SEMA3A: variants seen among roughly 807,000 people sequenced by gnomAD.
SEMA3A encodes semaphorin 3A.
In SEMA3A, 29 loss-of-function variants were observed where a neutral mutation model predicts 97.9. That is an observed-to-expected ratio of 0.30 (90% confidence interval 0.22 to 0.40). SEMA3A has a LOEUF of 0.40. Among genes scored for constraint, SEMA3A ranks in the 10% least tolerant of loss-of-function variants. SEMA3A has a pLI of 1.00. For missense variants in SEMA3A, 763 were observed against 951.3 expected (o/e 0.80, Z 2.60); for synonymous variants, 321 against 323.7 (o/e 0.99, Z 0.09).
chr7:84,436,045 A>G (rs1002285056), intron 1 of SEMA3A, among the ~76,000 whole-genome samples: 1 of 152,154 alleles, frequency 6.6e-6, no homozygotes, highest in African/African-American at 2.4e-5. Flanking sequence ...AAACTATCTG[A>G]TGTTCAAAAA....
intron 12 of SEMA3A, among the ~76,000 whole-genome samples, chr7:83,999,147 C>G (rs1562963791): frequency 6.6e-6 from 1 of 152,004 alleles, no homozygotes; most frequent in Admixed American, 6.6e-5. Flanking sequence ...CTTATGGGAC[C>G]ACTGTCATAT....
chr7:83,994,965 G>C (rs948217452), intron 12 of SEMA3A, among the ~76,000 whole-genome samples: 2 of 151,950 alleles, frequency 1.3e-5, no homozygotes, highest in Non-Finnish European at 1.5e-5. Context: ...AGCAATCAGC[G>C]AGACTCCATG....
intron 3 of SEMA3A, among the ~76,000 whole-genome samples, chr7:84,261,098 T>C (rs1347568131): frequency 2.0e-5 from 3 of 152,024 alleles, no homozygotes; most frequent in African/African-American, 7.2e-5. Flanking sequence ...CCAATCTGGG[T>C]CTCTTCAACT....
At chr7:83,990,399 T>C (rs1254059704) in intron 12 of SEMA3A, among the ~76,000 whole-genome samples, 1 of 150,516 alleles carries the variant, frequency 6.6e-6, no homozygotes, top group Non-Finnish European at 1.5e-5. Context: ...TGCCCATGCC[T>C]ATGTCCTGAA....
chr7:84,400,875 T>C (rs542955142), intron 1 of SEMA3A, among the ~76,000 whole-genome samples: 9 of 152,228 alleles, frequency 5.9e-5, no homozygotes, highest in African/African-American at 2.2e-4. Flanking sequence ...ATACCTCAAA[T>C]CAATATAGGT....
Position 84,046,429 on chromosome 7 carries a change from A to T in SEMA3A, c.562T>A (p.Ser188Thr). The T allele has an allele frequency of 1.9e-6, 3 of 1,613,010 alleles. No homozygotes were observed. Among genetic ancestry groups the T allele is most frequent in the Non-Finnish European group, 2.5e-6 (3 of 1,179,254 alleles). Reference protein sequence around the residue: ...ASLLIDGELYSGTAADFMGRD... With the variant: ...ASLLIDGELYTGTAADFMGRD... ...CCCATAAAATCAGCTGCAGTTCCAG[A>T]GTATAATTCTCCATCTGTGTTGTGA... Residue 188 changes from serine (S) to threonine (T), a missense_variant, in exon 6 of 17, where the codon TCT becomes ACT. Coordinates refer to ENST00000265362, the MANE Select transcript of SEMA3A (RefSeq NM_006080.3).
intron 3 of SEMA3A, among the ~76,000 whole-genome samples, chr7:84,111,983 C>T (rs903889111): frequency 1.3e-5 from 2 of 152,138 alleles, no homozygotes; most frequent in African/African-American, 4.8e-5. Flanking sequence ...CTGTAAGAGT[C>T]TCTCCTCCTT....
chr7:84,117,342 A>C (rs983490766), intron 3 of SEMA3A, among the ~76,000 whole-genome samples: 2 of 152,226 alleles, frequency 1.3e-5, no homozygotes, highest in African/African-American at 4.8e-5. Flanking sequence ...AACTTTAAGA[A>C]AAAACATGTA....
intron 3 of SEMA3A, among the ~76,000 whole-genome samples, chr7:84,283,752 T>C (rs1252243287): frequency 6.6e-6 from 1 of 152,170 alleles, no homozygotes; most frequent in Non-Finnish European, 1.5e-5. Context: ...AAATGCTATA[T>C]ATGCCACTGA....
rs1391301811 is a variant in SEMA3A at position 84,263,702 on chromosome 7, T to C, written c.-83+43505A>G. Among the ~76,000 whole-genome samples, 6 of 152,344 alleles carry C rather than the reference T, an allele frequency of 3.9e-5. 1 individual carries two copies. The highest frequency in any genetic ancestry group is 3.3e-4 in the Admixed American group (5 of 15,306). On this transcript the variant is annotated intron_variant, in intron 3 of 3. Transcript: ENST00000424555. ...AGTTATCTCTGAAAATGATGTTCCA[T>C]GCTCGTTACTTCCTGTATCAGTTTT...
chr7:84,011,376 C>T, intron 7 of SEMA3A, 79 bp from the exon 8 acceptor site: 3 of 905,686 alleles, frequency 3.3e-6, no homozygotes, highest in Non-Finnish European at 5.3e-6. Context: ...TTCATATCTT[C>T]AGACAAACAT....
At chr7:84,010,183 A>G (rs1048776990) in intron 9 of SEMA3A, among the ~76,000 whole-genome samples, 5 of 152,150 alleles carry the variant, frequency 3.3e-5, no homozygotes, top group Non-Finnish European at 5.9e-5. Flanking sequence ...AAGAGAATCT[A>G]TTTACTGACT....
chr7:84,481,200 G>T lies in SEMA3A; in HGVS notation c.-246+11260C>A, dbSNP rs146276874. Among the ~76,000 whole-genome samples, 385 of 152,228 alleles carry T rather than the reference G, an allele frequency of 2.5e-3. 1 individual carries two copies. Among genetic ancestry groups the T allele is most frequent in the African/African-American group, 8.7e-3 (360 of 41,556 alleles). ...CAACTTAATGGTGGGGTTGACCATT[G>T]AAAAGATACGAGGGCAAATCTAAAT... On this transcript the variant is annotated intron_variant, in intron 1 of 3. Transcript: ENST00000424555.
intron 6 of SEMA3A, among the ~76,000 whole-genome samples, chr7:84,016,356 G>A (rs1317696587): frequency 2.0e-5 from 3 of 152,022 alleles, no homozygotes; most frequent in East Asian, 1.9e-4. Flanking sequence ...TGGCTAACAC[G>A]GTGAAAGCCT....
At chr7:84,155,860 T>A (rs188450496) in intron 1 of SEMA3A, among the ~76,000 whole-genome samples, 1 of 152,108 alleles carries the variant, frequency 6.6e-6, no homozygotes. Flanking sequence ...GAAAGCTCAG[T>A]TTTTGCTCAG....
At chr7:84,308,574 G>C (rs1024676708) in intron 2 of SEMA3A, among the ~76,000 whole-genome samples, 2 of 152,148 alleles carry the variant, frequency 1.3e-5, no homozygotes, top group African/African-American at 2.4e-5. Context: ...GAGTTGAAGA[G>C]AGTGACAGTG....
chr7:83,961,895 T>A (rs1788488322), intron 16 of SEMA3A, 69 bp from the exon 17 acceptor site: 17 of 1,220,740 alleles, frequency 1.4e-5, no homozygotes, highest in South Asian at 1.3e-4. Flanking sequence ...TGAAACTCCG[T>A]GTCTGTAAAA....
At chr7:83,984,630 T>C (rs1175044409) in intron 13 of SEMA3A, among the ~76,000 whole-genome samples, 1 of 145,008 alleles carries the variant, frequency 6.9e-6, no homozygotes, top group Non-Finnish European at 1.5e-5. Context: ...TTTTTTTTTT[T>C]TGAAGTTACC....
At chr7:84,424,769 T>C (rs1804730678) in intron 1 of SEMA3A, among the ~76,000 whole-genome samples, 2 of 101,314 alleles carry the variant, frequency 2.0e-5, no homozygotes, top group South Asian at 3.3e-4. Context: ...TATTTAGATA[T>C]AAATATATAA....
Sources: allele counts gnomAD v4.1 joint callset (sites outside exome capture counted in the v4.1 genomes callset), GRCh38; gene constraint gnomAD v4.1.1; transcripts MANE v1.5; gene names NCBI Gene and HGNC (gene_info 2026-07-23, HGNC 2026-07-21).